Variants in CPNE4 observed in about 807,000 individuals in gnomAD.
The protein encoded by CPNE4 is copine 4.
In CPNE4, 25 loss-of-function variants were observed where a neutral mutation model predicts 67.9. That is an observed-to-expected ratio of 0.37 (90% confidence interval 0.27 to 0.51). CPNE4 has a LOEUF of 0.51. Ranked by LOEUF, CPNE4 falls within the 20% of genes least tolerant of loss-of-function variation. CPNE4 has a pLI of 0.93. For missense variants in CPNE4, 464 were observed against 690.8 expected, an observed-to-expected ratio of 0.67 and a Z score of 3.68; for synonymous variants, 242 against 244.9, an observed-to-expected ratio of 0.99 and a Z score of 0.11.
At chr3:132,009,653 T>C (rs1340418461) in intron 1 of CPNE4, among the ~76,000 whole-genome samples, 1 of 152,138 alleles carries the variant, frequency 6.6e-6, no homozygotes, top group Non-Finnish European at 1.5e-5. Flanking sequence ...ACAGAATTTT[T>C]GTACAAAAGA....
chr3:132,034,513 T>G (rs922744365), intron 1 of CPNE4, 54 bp downstream of exon 1: 10 of 909,454 alleles, frequency 1.1e-5, no homozygotes, highest in Non-Finnish European at 1.3e-5. Flanking sequence ...TCCAACAGAC[T>G]TTGCAATCAC....
At chr3:132,035,112 G>T (rs1027866095), upstream of CPNE4, 7 of 965,568 alleles carry the variant, frequency 7.2e-6, no homozygotes, top group Admixed American at 6.2e-5. Flanking sequence ...ATTGCCCCGG[G>T]AACCCGAGCT....
chr3:131,605,472 A>G (rs1305945161), intron 7 of CPNE4, among the ~76,000 whole-genome samples: 1 of 151,906 alleles, frequency 6.6e-6, no homozygotes, highest in African/African-American at 2.4e-5. Flanking sequence ...AAGTCAATCC[A>G]CCCCAGCATT....
chr3:131,549,657 A>T (rs1042105910), intron 14 of CPNE4, among the ~76,000 whole-genome samples: 1 of 152,138 alleles, frequency 6.6e-6, no homozygotes, highest in Non-Finnish European at 1.5e-5. Context: ...TGGATATGAC[A>T]TACTTTAGTG....
intron 1 of CPNE4, among the ~76,000 whole-genome samples, chr3:131,972,803 T>G (rs1173906012): frequency 6.6e-6 from 1 of 152,098 alleles, no homozygotes; most frequent in Non-Finnish European, 1.5e-5. Flanking sequence ...GGATTCTACT[T>G]CCTCCTCCAT....
chr3:131,693,385 C>T (rs2081074950), intron 5 of CPNE4, among the ~76,000 whole-genome samples: 1 of 151,918 alleles, frequency 6.6e-6, no homozygotes, highest in Admixed American at 6.6e-5. Flanking sequence ...ATAAAATAAA[C>T]CTACTACATC....
intron 2 of CPNE4, among the ~76,000 whole-genome samples, chr3:131,849,678 A>G (rs958452450): frequency 2.6e-5 from 4 of 152,100 alleles, no homozygotes; most frequent in African/African-American, 9.7e-5. Flanking sequence ...TCCTTGTTTG[A>G]TTATTCTTGC....
At chr3:131,775,046 T>C (rs2083259918) in intron 2 of CPNE4, among the ~76,000 whole-genome samples, 2 of 152,128 alleles carry the variant, frequency 1.3e-5, no homozygotes, top group South Asian at 4.1e-4. Context: ...TGATCTGGTC[T>C]AATTTCTTCT....
chr3:131,676,596 A>G (rs1485077266), intron 6 of CPNE4, among the ~76,000 whole-genome samples: 2 of 152,044 alleles, frequency 1.3e-5, no homozygotes, highest in Non-Finnish European at 2.9e-5. Context: ...GTGTGTTCTC[A>G]TAATTTAGCT....
chr3:131,622,018 C>CAAAAA (rs34415771), intron 7 of CPNE4, among the ~76,000 whole-genome samples: 220 of 55,208 alleles, frequency 4.0e-3, no homozygotes, highest in Non-Finnish European at 6.1e-3. Context: ...GACCCTGTCT[C>CAAAAA]AAAAAAAAAA....
chr3:131,559,479 G>A (rs749307236), intron 11 of CPNE4, among the ~76,000 whole-genome samples: 15 of 151,826 alleles, frequency 9.9e-5, no homozygotes, highest in Non-Finnish European at 1.6e-4. Flanking sequence ...GTTTTTATAG[G>A]CAAAAATTAC....
intron 2 of CPNE4, among the ~76,000 whole-genome samples, chr3:131,728,232 A>G (rs2082043427): frequency 2.6e-5 from 4 of 152,138 alleles, no homozygotes. Context: ...GCAGCTTTTC[A>G]AATCTTTTGA....
At chr3:131,864,611 G>C (rs189393942) in intron 2 of CPNE4, among the ~76,000 whole-genome samples, 1 of 131,778 alleles carries the variant, frequency 7.6e-6, no homozygotes, top group East Asian at 2.2e-4. Context: ...TTTGGGCTGA[G>C]ATGATGGGGT....
chr3:131,728,963 T>C (rs1233183175), intron 2 of CPNE4, among the ~76,000 whole-genome samples: 1 of 150,084 alleles, frequency 6.7e-6, no homozygotes, highest in African/African-American at 2.5e-5. Flanking sequence ...CAACAAACAA[T>C]TCAAGACTAT....
At chr3:131,808,118 G>C (rs1459394516) in intron 2 of CPNE4, among the ~76,000 whole-genome samples, 1 of 152,170 alleles carries the variant, frequency 6.6e-6, no homozygotes, top group East Asian at 1.9e-4. Flanking sequence ...AGCAATTTAA[G>C]AGGCATGTCC....
chr3:131,726,717 T>TG (rs1223211405), intron 2 of CPNE4, among the ~76,000 whole-genome samples: 218 of 8,686 alleles, frequency 0.025, no homozygotes, highest in Middle Eastern at 0.17. Flanking sequence ...CCTAATCAAC[T>TG]GGGGGGGGCG....
At chr3:132,014,779 T>C (rs1297261844) in intron 1 of CPNE4, among the ~76,000 whole-genome samples, 8 of 152,186 alleles carry the variant, frequency 5.3e-5, no homozygotes, top group Admixed American at 5.2e-4. Context: ...TTTTGAGCAA[T>C]AGGATAGCTT....
intron 5 of CPNE4, among the ~76,000 whole-genome samples, chr3:131,693,706 A>G (rs1560126713): frequency 6.6e-6 from 1 of 151,986 alleles, no homozygotes; most frequent in Admixed American, 6.6e-5. Context: ...ACCATGCATC[A>G]CACTTGGAGG....
intron 14 of CPNE4, among the ~76,000 whole-genome samples, chr3:131,547,400 G>A (rs1453227064): frequency 7.9e-6 from 1 of 127,192 alleles, no homozygotes; most frequent in African/African-American, 3.0e-5. Context: ...AAGCTGTAGT[G>A]AGCCATGATT....
Sources: gnomAD v4.1 joint callset for allele counts (sites outside exome capture counted in the v4.1 genomes callset) on GRCh38, gnomAD v4.1.1 for gene constraint, MANE v1.5 for transcripts, NCBI Gene and HGNC (gene_info 2026-07-23, HGNC 2026-07-21) for gene names.